The following STPG1 variants were observed in gnomAD, a reference collection of about 807,000 sequenced individuals.
STPG1 encodes the protein O(6)-methylguanine-induced apoptosis 2.
Under a neutral mutation model 40.1 loss-of-function variants are expected in STPG1, and 33 were observed. That is an observed-to-expected ratio of 0.82 (90% CI 0.62 to 1.10). STPG1 has a LOEUF of 1.10. STPG1 is among the 50% of genes least tolerant of loss of function. The pLI, the probability that STPG1 is intolerant of heterozygous loss-of-function variation, is 0.00. For synonymous variants in STPG1, 150 were observed against 155.0 expected (o/e 0.97, Z 0.24); for missense variants, 396 against 415.1 (o/e 0.95, Z 0.40).
At chr1:24,379,522 T>A (rs1356923017) in intron 5 of STPG1, 131 bp downstream of exon 5, 1 of 994,008 alleles carries the variant, frequency 1.0e-6, no homozygotes, top group Non-Finnish European at 1.5e-6. Flanking sequence ...AGGCACCCAT[T>A]GGGTAGTCAA....
At chr1:24,364,413 A>G in intron 7 of STPG1, 1 of 1,494,420 alleles carries the variant, frequency 6.7e-7, no homozygotes, top group Non-Finnish European at 8.9e-7. Flanking sequence ...ACGGCAGGTC[A>G]CATCTGAGAG....
intron 2 of STPG1, among the ~76,000 whole-genome samples, chr1:24,400,194 T>C (rs1207852656): frequency 1.3e-5 from 2 of 152,094 alleles, no homozygotes; most frequent in Non-Finnish European, 2.9e-5. Context: ...AATGAACAAA[T>C]TACTCATAGA....
At chr1:24,391,744 C>A in intron 2 of STPG1, 65 bp from the exon 3 acceptor site, 1 of 1,324,968 alleles carries the variant, frequency 7.5e-7, no homozygotes, top group Non-Finnish European at 1.0e-6. Flanking sequence ...ATGTGGAAAA[C>A]ACAAAGGTGT....
intron 4 of STPG1, among the ~76,000 whole-genome samples, chr1:24,381,830 G>T (rs1169700617): frequency 1.3e-5 from 2 of 152,174 alleles, no homozygotes; most frequent in African/African-American, 2.4e-5. Context: ...AGGTGCTAAA[G>T]GTGAAAGTTA....
chr1:24,378,894 A>G (rs758276043), intron 5 of STPG1, among the ~76,000 whole-genome samples: 9 of 152,100 alleles, frequency 5.9e-5, no homozygotes, highest in Non-Finnish European at 1.2e-4. Flanking sequence ...TGACTTACTT[A>G]CTTGCTTGTA....
chr1:24,410,848 T>C (rs892589154), intron 1 of STPG1: 2 of 151,978 alleles, frequency 1.3e-5, no homozygotes, highest in African/African-American at 2.4e-5. Context: ...TATACCACTT[T>C]CCGAATCAAC....
At chr1:24,398,771 T>C (rs1296795068) in intron 2 of STPG1, among the ~76,000 whole-genome samples, 1 of 152,002 alleles carries the variant, frequency 6.6e-6, no homozygotes, top group African/African-American at 2.4e-5. Context: ...ATGCCTACAA[T>C]AGATATAATG....
chr1:24,371,898 C>T (rs1360653520), intron 6 of STPG1, among the ~76,000 whole-genome samples: 1 of 152,190 alleles, frequency 6.6e-6, no homozygotes, highest in Non-Finnish European at 1.5e-5. Context: ...AGCTGTGGGG[C>T]TGGGCGTGGT....
At chr1:24,407,634 C>G (rs1643467268) in intron 1 of STPG1, among the ~76,000 whole-genome samples, 1 of 151,964 alleles carries the variant, frequency 6.6e-6, no homozygotes, top group Non-Finnish European at 1.5e-5. Context: ...CACGGGGTTT[C>G]ACCATCTTGG....
intron 7 of STPG1, among the ~76,000 whole-genome samples, chr1:24,365,323 C>T (rs1641385637): frequency 6.6e-6 from 1 of 152,148 alleles, no homozygotes; most frequent in Admixed American, 6.6e-5. Context: ...GAGTGTTGCA[C>T]CTCCTTGCTG....
At chr1:24,397,496 C>T (rs114476365) in intron 2 of STPG1, among the ~76,000 whole-genome samples, 1,528 of 151,564 alleles carry the variant, frequency 0.01, 19 homozygotes, top group African/African-American at 0.034. Flanking sequence ...TAGAGGTCAG[C>T]AGCCCTCATA....
intron 4 of STPG1, among the ~76,000 whole-genome samples, chr1:24,381,391 C>T (rs1642276862): frequency 6.6e-6 from 1 of 152,260 alleles, no homozygotes; most frequent in South Asian, 2.1e-4. Flanking sequence ...CACTACACAC[C>T]CCTTGGTTTA....
intron 2 of STPG1, among the ~76,000 whole-genome samples, chr1:24,395,280 G>A (rs116708574): frequency 0.021 from 3,130 of 152,088 alleles, 133 homozygotes; most frequent in African/African-American, 0.072. Flanking sequence ...ATCAGCAAAT[G>A]GGAGCTACAA....
At chr1:24,388,404 G>A (rs1347364207) in intron 3 of STPG1, among the ~76,000 whole-genome samples, 1 of 152,188 alleles carries the variant, frequency 6.6e-6, no homozygotes, top group Non-Finnish European at 1.5e-5. Context: ...ACTCGAAAAT[G>A]TTCAGGAAAA....
chr1:24,400,808 T>C (rs987936538), intron 2 of STPG1, among the ~76,000 whole-genome samples: 1 of 152,210 alleles, frequency 6.6e-6, no homozygotes, highest in African/African-American at 2.4e-5. Context: ...CCAATGTGGA[T>C]GGTTGACCAA....
chr1:24,396,714 G>A (rs1643021434), intron 2 of STPG1, among the ~76,000 whole-genome samples: 1 of 151,998 alleles, frequency 6.6e-6, no homozygotes, highest in South Asian at 2.1e-4. Flanking sequence ...ATTCCTAATA[G>A]GCTAACAAAG....
intron 2 of STPG1, among the ~76,000 whole-genome samples, chr1:24,394,043 G>A (rs1296886338): frequency 2.0e-5 from 3 of 152,210 alleles, no homozygotes; most frequent in Non-Finnish European, 4.4e-5. Flanking sequence ...ATGGAGCTCT[G>A]CAACGGGGTC....
At chr1:24,408,348 A>G (rs1347822521) in intron 1 of STPG1, among the ~76,000 whole-genome samples, 1 of 152,164 alleles carries the variant, frequency 6.6e-6, no homozygotes, top group African/African-American at 2.4e-5. Context: ...TGGCCTTTTG[A>G]TGGGTATTTC....
chr1:24,395,982 CAA>C (rs58022759), intron 2 of STPG1, among the ~76,000 whole-genome samples: 40 of 146,012 alleles, frequency 2.7e-4, no homozygotes, highest in African/African-American at 3.8e-4. Flanking sequence ...GGCTCCATCT[CAA>C]AAAAAAAAAA....
Sources: gnomAD v4.1 joint callset for allele counts (sites outside exome capture counted in the v4.1 genomes callset) on GRCh38, gnomAD v4.1.1 for gene constraint, MANE v1.5 for transcripts, NCBI Gene and HGNC (gene_info 2026-07-23, HGNC 2026-07-21) for gene names.